CXXC5: variants seen among roughly 807,000 people sequenced by gnomAD.
CXXC5 encodes the protein CXXC finger protein 5, also known as CXXC-type zinc finger protein 5.
Under a neutral mutation model 17.6 loss-of-function variants are expected in CXXC5, and 2 were observed. The observed-to-expected ratio is 0.11, with a 90% CI of 0.05 to 0.36. The LOEUF is 0.36. Among genes scored for constraint, CXXC5 ranks in the 10% least tolerant of loss-of-function variants. The pLI is 1.00. For synonymous variants in CXXC5, 171 were observed against 193.0 expected, an observed-to-expected ratio of 0.89 and a Z score of 0.94; for missense variants, 343 against 458.3, an observed-to-expected ratio of 0.75 and a Z score of 2.30.
At chr5:139,659,279 C>T (rs939379186) in intron 1 of CXXC5, among the ~76,000 whole-genome samples, 2 of 152,104 alleles carry the variant, frequency 1.3e-5, no homozygotes, top group Non-Finnish European at 2.9e-5. Flanking sequence ...AAGGAGCCGG[C>T]CAGTGAGGCG....
rs1756279681 is a variant in CXXC5, at chr5:139,668,777, G to T, written c.-160-11587G>T. ...TGGGGGATGACTGATAGGGGGAGTCGGGAGGGGATGTTGAGCCCTGAGGTG... is the reference window on the plus strand; with the variant it reads ...TGGGGGATGACTGATAGGGGGAGTCTGGAGGGGATGTTGAGCCCTGAGGTG... On this transcript the variant is annotated intron_variant, in intron 1 of 2. Transcript: ENST00000302517. This position sits in a 1 kb window ranked among gnomAD's most constrained non-coding sequence, Gnocchi z 4.1. Among the ~76,000 whole-genome samples the T allele has an allele frequency of 6.6e-6, 1 of 152,176 alleles. No homozygotes were observed. The highest frequency in any genetic ancestry group is 2.4e-5 in the African/African-American group (1 of 41,442).
chr5:139,660,843 G>A (rs2126763425), intron 1 of CXXC5, among the ~76,000 whole-genome samples: 1 of 152,196 alleles, frequency 6.6e-6, no homozygotes, highest in Non-Finnish European at 1.5e-5. Flanking sequence ...CATTTAGTCT[G>A]GACAGAAATA....
Position 139,680,607 on chromosome 5 carries a change from T to A in CXXC5, c.84T>A (p.Ser28Arg), listed in dbSNP as rs372344523. ...ATGGCAGCGGTGGCAGTGGCAGCAG[T>A]GGCCCAAAGGCAGGAGCAGCAGACA... ...STNGSGGSGS[S>R]GPKAGAADKS... The change falls in exon 2 of 3, where the codon AGT (serine) becomes AGA (arginine). Residue 28 changes from serine to arginine, a missense_variant. Physicochemically the swap from Ser to Arg is moderately radical, Grantham distance 110. Around this residue, in one of 4 missense-constraint regions of CXXC5, gnomAD observed 297 missense variants for 363.4 expected, o/e 0.82. Transcript: ENST00000302517. 1 of 1,609,648 alleles carries A rather than the reference T, an allele frequency of 6.2e-7. No individual in the cohort carries two copies. The highest frequency in any genetic ancestry group is 8.5e-7 in the Non-Finnish European group (1 of 1,178,706).
rs1039609565 is a variant in CXXC5, at chr5:139,683,068, C to T, written c.*161C>T. 1.3e-5 allele frequency: 7 copies of T among 525,660 alleles called. 1 individual carries two copies. The highest frequency in any genetic ancestry group is 1.6e-4 in the South Asian group (2 of 12,598). The allele number at this position is 525,660 out of a possible 1,614,324, so 32.6% of individuals were successfully genotyped here. A position where few individuals can be genotyped will look rare whatever the true frequency, so the allele number is the denominator to read the frequency against. On this transcript the variant is annotated 3_prime_UTR_variant, in exon 3 of 3. Coordinates refer to ENST00000302517, the MANE Select transcript of CXXC5 (RefSeq NM_016463.9). ...TTTTTATATATATATTTTTTGTTGT[C>T]GTTTTAACATCTCCACGTCCCTAGC...
intron 1 of CXXC5, among the ~76,000 whole-genome samples, chr5:139,659,134 A>G (rs527296892): frequency 2.0e-5 from 3 of 152,280 alleles, no homozygotes; most frequent in African/African-American, 7.2e-5. Flanking sequence ...CCATGAGGTC[A>G]TTCATTCAGT....
chr5:139,668,287 G>T lies in CXXC5; in HGVS notation c.-160-12077G>T, dbSNP rs936264175. Among the ~76,000 whole-genome samples, 1 of 152,094 alleles carries T rather than the reference G, an allele frequency of 6.6e-6. No homozygotes were observed. The highest frequency in any genetic ancestry group is 1.5e-5 in the Non-Finnish European group (1 of 67,986). ...GAGGGGAGGCCAGCCTTCTCGGTGC[G>T]GAATCTCCTTGGCCCAGGCCTTCCC... On this transcript the variant is annotated intron_variant, in intron 1 of 2. Transcript: ENST00000302517. This position sits in a 1 kb window ranked among gnomAD's most constrained non-coding sequence, Gnocchi z 4.1.
chr5:139,649,992 G>A (rs1717700737), intron 1 of CXXC5, among the ~76,000 whole-genome samples: 1 of 152,270 alleles, frequency 6.6e-6, no homozygotes, highest in South Asian at 2.1e-4. Context: ...TCGACGGAAA[G>A]CGAGTGACCC....
intron 1 of CXXC5, among the ~76,000 whole-genome samples, chr5:139,673,852 AAAAG>A (rs1395029539): frequency 5.9e-5 from 4 of 67,668 alleles, no homozygotes; most frequent in African/African-American, 6.8e-5. Flanking sequence ...AAAAAAAAAA[AAAAG>A]AGAGAGAGAA....
rs116590735 is a variant in CXXC5, at chr5:139,683,494, C to G, written c.*587C>G. 4 of 152,366 alleles carry G rather than the reference C, an allele frequency of 2.6e-5. No homozygotes were observed. Among genetic ancestry groups the G allele is most frequent in the African/African-American group, 9.7e-5 (4 of 41,424 alleles). The allele number at this position is 152,366 out of a possible 1,614,324, so 9.4% of individuals were successfully genotyped here. ...CGCGTGCAGAGCTGCCAGCAGGGAG[C>G]TCACAGAAGGGGAGGGAGCACCAGG... On this transcript the variant is annotated 3_prime_UTR_variant, in exon 3 of 3. Transcript: ENST00000302517.
At chr5:139,659,510 G>T (rs562104979) in intron 1 of CXXC5, 57 of 152,632 alleles carry the variant, frequency 3.7e-4, no homozygotes, top group Non-Finnish European at 7.0e-4. Flanking sequence ...GCCTATGCTG[G>T]GGGGCTGGGA....
intron 1 of CXXC5, among the ~76,000 whole-genome samples, chr5:139,675,150 C>G (rs775772519): frequency 2.0e-5 from 3 of 152,166 alleles, no homozygotes; most frequent in Non-Finnish European, 4.4e-5. Context: ...TCTGCTGTCT[C>G]TCCGGTATCA....
chr5:139,652,231 G>C (rs545202801), intron 1 of CXXC5, among the ~76,000 whole-genome samples: 1 of 150,702 alleles, frequency 6.6e-6, no homozygotes, highest in South Asian at 2.1e-4. Context: ...CCTTGATTAA[G>C]TGTATTAATA....
At chr5:139,680,081 C>A (rs1443667287) in intron 1 of CXXC5, 1 of 190,384 alleles carries the variant, frequency 5.3e-6, no homozygotes, top group Non-Finnish European at 1.1e-5. Flanking sequence ...AGGGCCTCCA[C>A]CATGCCGCTT....
At chr5:139,657,073 G>A (rs552562980) in intron 1 of CXXC5, among the ~76,000 whole-genome samples, 1 of 152,334 alleles carries the variant, frequency 6.6e-6, no homozygotes, top group Non-Finnish European at 1.5e-5. Context: ...GTAATGGGTA[G>A]CCCAACGAAA....
rs533826876 is a variant in CXXC5 at position 139,664,489 on chromosome 5, C to T, written c.-161+15644C>T. 1.5e-3 allele frequency among the ~76,000 whole-genome samples: 234 copies of T among 152,286 alleles called. 3 individuals are homozygous for T. The highest frequency in any genetic ancestry group is 5.0e-4 in the Non-Finnish European group (34 of 68,010). On this transcript the variant is annotated intron_variant, in intron 1 of 2. Coordinates refer to ENST00000302517, the MANE Select transcript of CXXC5 (RefSeq NM_016463.9). ...GGTCCGTGTGTCACTTAGCACCAGGCGCTGCATGGCCCTGGGTCAGGGCTC... is the reference window on the plus strand; with the variant it reads ...GGTCCGTGTGTCACTTAGCACCAGGTGCTGCATGGCCCTGGGTCAGGGCTC...
intron 1 of CXXC5, among the ~76,000 whole-genome samples, chr5:139,673,137 C>T (rs1399058330): frequency 1.3e-5 from 2 of 152,174 alleles, no homozygotes; most frequent in South Asian, 2.1e-4. Flanking sequence ...CGTCATTACA[C>T]CTGCTTAAGC....
intron 1 of CXXC5, among the ~76,000 whole-genome samples, chr5:139,650,288 C>A (rs1421818192): frequency 1.3e-5 from 2 of 152,104 alleles, no homozygotes; most frequent in Admixed American, 6.5e-5. Context: ...GAGAGTCGCG[C>A]CTTCGGATGG....
At position 139,682,884 on chromosome 5, in the gene CXXC5, G is replaced by A; in HGVS notation, c.946G>A (p.Ala316Thr). ...ALEKVMLPTG[A>T]AFRWFQ is the part of the protein sequence containing the mutation. ...CCAGAAGGTGATGCTTCCGACGGGA[G>A]CCGCCTTCCGGTGGTTTCAGTGACG... The change falls in exon 3 of 3, where the codon GCC becomes ACC. Residue 316 changes from alanine (A) to threonine (T), a missense_variant. By Grantham distance (58) the Ala-to-Thr change is moderately conservative. Coordinates refer to ENST00000302517, the MANE Select transcript of CXXC5 (RefSeq NM_016463.9). 3.8e-6 allele frequency: 6 copies of A among 1,595,178 alleles called. No homozygotes were observed. The highest frequency in any genetic ancestry group is 5.1e-6 in the Non-Finnish European group (6 of 1,170,558).
intron 2 of CXXC5, 47 bp downstream of exon 2, chr5:139,681,494 G>T: frequency 6.6e-7 from 1 of 1,522,612 alleles, no homozygotes; most frequent in Non-Finnish European, 8.8e-7. Flanking sequence ...TGTCTGTCTG[G>T]CAGTCCAAAC....
Sources: gnomAD v4.1 joint callset for allele counts (sites outside exome capture counted in the v4.1 genomes callset) on GRCh38, gnomAD v4.1.1 for gene constraint, gnomAD v4.1.1 regional missense constraint, Gnocchi (gnomAD v3.1) non-coding constraint, MANE v1.5 for transcripts, NCBI Gene and HGNC (gene_info 2026-07-23, HGNC 2026-07-21) for gene names.